Variants in ITGA9 observed in about 807,000 individuals in gnomAD.
ITGA9 encodes integrin subunit alpha 9, also known as integrin alpha-9.
ITGA9 carries 56 observed loss-of-function variants against 127.8 expected under a neutral mutation model. That is an observed-to-expected ratio of 0.44 (90% confidence interval 0.35 to 0.55). ITGA9 has a LOEUF of 0.55. Ranked by LOEUF, ITGA9 falls within the 20% of genes least tolerant of loss-of-function variation. ITGA9 has a pLI of 0.00. For synonymous variants in ITGA9, 508 were observed against 514.5 expected, an observed-to-expected ratio of 0.99 and a Z score of 0.17; for missense variants, 1,196 against 1,347.1, an observed-to-expected ratio of 0.89 and a Z score of 1.76.
At chr3:37,785,867 C>G (rs1296789540) in intron 26 of ITGA9, among the ~76,000 whole-genome samples, 1 of 152,148 alleles carries the variant, frequency 6.6e-6, no homozygotes, top group Non-Finnish European at 1.5e-5. Flanking sequence ...CCCTTCTCCT[C>G]CATAAAGTGC....
At chr3:37,758,134 T>C (rs574480869) in intron 23 of ITGA9, among the ~76,000 whole-genome samples, 235 of 150,094 alleles carry the variant, frequency 1.6e-3, no homozygotes, top group Non-Finnish European at 2.6e-3. Context: ...CCATCCTGGC[T>C]AACAAGGTGA....
chr3:37,519,262 G>T lies in ITGA9; in HGVS notation c.1144G>T (p.Val382Leu), dbSNP rs756440738. 3.7e-6 allele frequency: 6 copies of T among 1,613,598 alleles called. No homozygotes were observed. Among genetic ancestry groups the T allele is most frequent in the Non-Finnish European group, 5.1e-6 (6 of 1,179,570 alleles). Residue 382 changes from valine to leucine, a missense_variant and splice_region_variant, in exon 11 of 28, where the codon GTG becomes TTG. Transcript: ENST00000264741. The stretch of plus-strand genomic sequence containing the variant: ...CATAGCTGTTTTTTTACCCTCAGAT[G>T]TGGCCATTGGTGCACCCAAGGAGGA... ...DDLDNDGFPD[V>L]AIGAPKEDDF...
At chr3:37,614,410 T>C (rs1313513481) in intron 15 of ITGA9, among the ~76,000 whole-genome samples, 2 of 152,038 alleles carry the variant, frequency 1.3e-5, no homozygotes, top group South Asian at 2.1e-4. Context: ...ATGCCTCCGG[T>C]TTTGTTCTTT....
intron 4 of ITGA9, among the ~76,000 whole-genome samples, chr3:37,489,692 T>C (rs1252148508): frequency 1.4e-3 from 18 of 13,242 alleles, no homozygotes; most frequent in Non-Finnish European, 2.5e-3. Flanking sequence ...ATAATTGCCC[T>C]TTTTTTTTTT....
At chr3:37,610,050 A>G (rs963316747) in intron 15 of ITGA9, among the ~76,000 whole-genome samples, 3 of 152,156 alleles carry the variant, frequency 2.0e-5, no homozygotes, top group Non-Finnish European at 4.4e-5. Flanking sequence ...AAATGTCATG[A>G]GGGAGGAAAT....
At chr3:37,734,120 T>G (rs563910479) in intron 19 of ITGA9, among the ~76,000 whole-genome samples, 1 of 152,294 alleles carries the variant, frequency 6.6e-6, no homozygotes, top group South Asian at 2.1e-4. Flanking sequence ...GGCCCATGAC[T>G]CCTCGGATTT....
At chr3:37,521,064 G>A (rs1477471750) in intron 11 of ITGA9, among the ~76,000 whole-genome samples, 1 of 152,132 alleles carries the variant, frequency 6.6e-6, no homozygotes, top group African/African-American at 2.4e-5. Flanking sequence ...GCCTGCCTTT[G>A]TCAGCACGCA....
intron 26 of ITGA9, among the ~76,000 whole-genome samples, chr3:37,785,940 G>T (rs940188153): frequency 6.6e-6 from 1 of 152,140 alleles, no homozygotes; most frequent in Admixed American, 6.5e-5. Context: ...GAGAGTGGAG[G>T]TGTGGGAGAG....
intron 2 of ITGA9, 106 bp downstream of exon 2, chr3:37,471,240 C>T: frequency 1.6e-6 from 2 of 1,234,082 alleles, no homozygotes. Context: ...CCATCCTTCC[C>T]TCCTTCCCTC....
At chr3:37,520,960 G>A (rs1488039619) in intron 11 of ITGA9, among the ~76,000 whole-genome samples, 3 of 152,212 alleles carry the variant, frequency 2.0e-5, no homozygotes, top group Non-Finnish European at 2.9e-5. Context: ...GTTTTGTTTG[G>A]TTGCTGGGTG....
At position 37,637,090 on chromosome 3, in the gene ITGA9, G is replaced by C. The variant is rs550451598; in HGVS notation, c.1839+7754G>C. ...GTGACGCCTCCAGCTTTGTTCTTTT[G>C]GCTTAGGATTGACTTGGCGATGCGG... On this transcript the variant is annotated intron_variant, in intron 16 of 27. Coordinates refer to ENST00000264741, the MANE Select transcript of ITGA9 (RefSeq NM_002207.3). 2.6e-3 allele frequency among the ~76,000 whole-genome samples: 394 copies of C among 152,252 alleles called. 4 individuals carry two copies. The highest frequency in any genetic ancestry group is 9.2e-3 in the African/African-American group (384 of 41,552).
At position 37,779,988 on chromosome 3, in the gene ITGA9, T is replaced by G. The variant is rs754475328; in HGVS notation, c.2754T>G (p.Ile918Met). Residue 918 changes from isoleucine to methionine, a missense_variant, in exon 25 of 28, where the codon ATT becomes ATG. Transcript: ENST00000264741. ...AAGAAGAAAGTCGTACTATAGACAT[T>G]TACATGCTGCTGAACACAGAAATAC... The part of the protein sequence containing the change: ...LAKEESRTID[I>M]YMLLNTEILK... The G allele has an allele frequency of 5.6e-6, 9 of 1,614,108 alleles. No homozygotes were observed. The highest frequency in any genetic ancestry group is 3.3e-5 in the Admixed American group (2 of 60,018).
chr3:37,681,472 C>T (rs113702391), intron 17 of ITGA9, among the ~76,000 whole-genome samples: 27 of 152,268 alleles, frequency 1.8e-4, no homozygotes, highest in African/African-American at 6.0e-4. Context: ...TAGGCAAGTG[C>T]CCACACCCTA....
At chr3:37,491,100 C>T (rs1698668159) in intron 4 of ITGA9, among the ~76,000 whole-genome samples, 1 of 151,948 alleles carries the variant, frequency 6.6e-6, no homozygotes, top group Admixed American at 6.5e-5. Context: ...CCTCAGCCTC[C>T]TGAGTAGCTG....
intron 24 of ITGA9, among the ~76,000 whole-genome samples, chr3:37,779,291 G>C (rs1451579779): frequency 4.6e-5 from 7 of 152,050 alleles, no homozygotes; most frequent in African/African-American, 1.4e-4. Context: ...TTTTTGTAGA[G>C]ACAGGGTTTC....
At chr3:37,519,046 A>G (rs1699016949) in intron 10 of ITGA9, among the ~76,000 whole-genome samples, 1 of 151,142 alleles carries the variant, frequency 6.6e-6, no homozygotes, top group African/African-American at 2.4e-5. Flanking sequence ...TGGCCTGCCA[A>G]AGTGCTGGGA....
At chr3:37,470,139 TG>T (rs1698412999) in intron 1 of ITGA9, among the ~76,000 whole-genome samples, 1 of 86,824 alleles carries the variant, frequency 1.2e-5, no homozygotes, top group African/African-American at 5.1e-5. Context: ...GGTTTCTTCT[TG>T]TTTTTTTTTT....
chr3:37,587,726 T>C (rs762663602), intron 15 of ITGA9, among the ~76,000 whole-genome samples: 3 of 152,250 alleles, frequency 2.0e-5, no homozygotes, highest in Non-Finnish European at 4.4e-5. Flanking sequence ...TTGAGCAGTT[T>C]CCAATCTTCA....
At chr3:37,776,168 C>T (rs949984113) in intron 23 of ITGA9, among the ~76,000 whole-genome samples, 1 of 152,210 alleles carries the variant, frequency 6.6e-6, no homozygotes, top group Middle Eastern at 3.4e-3. Flanking sequence ...ACAACAGACA[C>T]TGGAGTCTAT....
Sources: gnomAD v4.1 joint callset for allele counts (sites outside exome capture counted in the v4.1 genomes callset) on GRCh38, gnomAD v4.1.1 for gene constraint, MANE v1.5 for transcripts, NCBI Gene and HGNC (gene_info 2026-07-23, HGNC 2026-07-21) for gene names.